CDH23: variants seen among roughly 807,000 people sequenced by gnomAD.
The protein encoded by CDH23 is cadherin-23.
In CDH23, 189 loss-of-function variants were observed where a neutral mutation model predicts 317.1. That is an observed-to-expected ratio of 0.60 (90% confidence interval 0.53 to 0.67). CDH23 has a LOEUF of 0.67. Among genes scored for constraint, CDH23 ranks in the 30% least tolerant of loss-of-function variants. The pLI, the probability that CDH23 is intolerant of heterozygous loss-of-function variation, is 0.00. For synonymous variants in CDH23, 1,839 were observed against 1,876.8 expected (o/e 0.98, Z 0.52); for missense variants, 4,401 against 4,592.4 (o/e 0.96, Z 1.20).
intron 14 of CDH23, among the ~76,000 whole-genome samples, chr10:71,667,359 A>T (rs10823816): frequency 1.1e-3 from 127 of 112,100 alleles, no homozygotes; most frequent in South Asian, 1.7e-3. Flanking sequence ...AGAGAGAGAG[A>T]GTGTGTGTGT....
chr10:71,703,285 C>T (rs1395277948), intron 24 of CDH23, among the ~76,000 whole-genome samples: 2 of 152,146 alleles, frequency 1.3e-5, no homozygotes, highest in Non-Finnish European at 2.9e-5. Context: ...ACACCTCTGC[C>T]CTCCGGGGGC....
At chr10:71,799,878 GACA>G (rs1183306974) in intron 52 of CDH23, among the ~76,000 whole-genome samples, 1 of 152,202 alleles carries the variant, frequency 6.6e-6, no homozygotes, top group Admixed American at 6.5e-5. Flanking sequence ...CCCTTTGTGG[GACA>G]ACATCTGAGA....
intron 6 of CDH23, among the ~76,000 whole-genome samples, chr10:71,542,377 A>T (rs1299396398): frequency 6.6e-6 from 1 of 152,132 alleles, no homozygotes; most frequent in Non-Finnish European, 1.5e-5. Flanking sequence ...AGGATCGTCC[A>T]GCTGGGAGAA....
intron 1 of CDH23, among the ~76,000 whole-genome samples, chr10:71,423,045 C>T (rs1242143574): frequency 6.6e-6 from 1 of 152,172 alleles, no homozygotes; most frequent in Non-Finnish European, 1.5e-5. Flanking sequence ...TTTTATATTT[C>T]AGCCACTACT....
At chr10:71,510,658 T>C (rs1368490848) in intron 4 of CDH23, among the ~76,000 whole-genome samples, 5 of 152,078 alleles carry the variant, frequency 3.3e-5, no homozygotes, top group Non-Finnish European at 4.4e-5. Context: ...GAAGGAACCA[T>C]AGAGGTGTGT....
intron 3 of CDH23, among the ~76,000 whole-genome samples, chr10:71,457,588 G>C (rs1284187930): frequency 6.6e-6 from 1 of 152,190 alleles, no homozygotes; most frequent in African/African-American, 2.4e-5. Context: ...TGAAGGAGCA[G>C]CTGCTCCTAA....
Position 71,705,117 on chromosome 10 carries a change from G to T in CDH23, c.2940G>T (p.Thr980=). The change falls in exon 25 of 70, where the codon ACG becomes ACT. Residue 980 remains threonine, a synonymous_variant. Coordinates refer to ENST00000224721, the MANE Select transcript of CDH23 (RefSeq NM_022124.6). ...CGCCCACCAAGAGCTCCACCAGCACGCTCACCATCCATGGTGAGGGGGCGC... is the reference window on the plus strand; with the variant it reads ...CGCCCACCAAGAGCTCCACCAGCACTCTCACCATCCATGGTGAGGGGGCGC... ...AGTPTKSSTS[T]LTIHVLDVND... is the part of the protein sequence containing the mutation. 6.2e-7 allele frequency: 1 copy of T among 1,610,166 alleles called. No homozygotes were observed. Among genetic ancestry groups the T allele is most frequent in the South Asian group, 1.1e-5 (1 of 90,982 alleles).
At chr10:71,524,124 G>A (rs941862644) in intron 6 of CDH23, among the ~76,000 whole-genome samples, 1 of 152,224 alleles carries the variant, frequency 6.6e-6, no homozygotes, top group African/African-American at 2.4e-5. Context: ...TGACCTTGAG[G>A]TGTAATTACT....
At chr10:71,776,834 C>G (rs747067961) in intron 38 of CDH23, among the ~76,000 whole-genome samples, 2 of 152,230 alleles carry the variant, frequency 1.3e-5, no homozygotes, top group Non-Finnish European at 2.9e-5. Context: ...GCCAGGGCCT[C>G]CCATTGGCCA....
In CDH23 at chr10:71,677,632, A is replaced by G; in HGVS notation, c.1691A>G (p.Asp564Gly). The change falls in exon 16 of 70, where the codon GAT becomes GGT. Residue 564 changes from aspartate (D) to glycine (G), a missense_variant. Coordinates refer to ENST00000224721, the MANE Select transcript of CDH23 (RefSeq NM_022124.6). ...VNDNVPTFQK[D>G]AYVGALRENE... ...GACAACGTGCCCACCTTCCAGAAGG[A>G]TGCCTACGTGGGTGCTCTGCGGGAG... The G allele has an allele frequency of 6.3e-7, 1 of 1,595,466 alleles. No individual in the cohort carries two copies. Among genetic ancestry groups the G allele is most frequent in the Non-Finnish European group, 8.5e-7 (1 of 1,171,340 alleles).
chr10:71,421,491 C>T (rs902675048), intron 1 of CDH23, among the ~76,000 whole-genome samples: 3 of 152,156 alleles, frequency 2.0e-5, no homozygotes, highest in African/African-American at 7.2e-5. Flanking sequence ...CGGAGAGCGT[C>T]GTAATTCTAT....
intron 14 of CDH23, 59 bp downstream of exon 14, chr10:71,646,676 A>G: frequency 6.2e-7 from 1 of 1,613,908 alleles, no homozygotes; most frequent in Non-Finnish European, 8.5e-7. Flanking sequence ...GTGGTGAGGC[A>G]CCCAGAGGGA....
chr10:71,597,922 G>T (rs4747170), intron 9 of CDH23, among the ~76,000 whole-genome samples: 3 of 151,980 alleles, frequency 2.0e-5, no homozygotes, highest in Non-Finnish European at 4.4e-5. Flanking sequence ...CCTCAAAGGC[G>T]GGGTAGGCCC....
chr10:71,427,219 AAGAAAGAAAGAAAGAAAGAAAGAAAG>A (rs1849130331), intron 1 of CDH23, among the ~76,000 whole-genome samples: 1 of 73,616 alleles, frequency 1.4e-5, no homozygotes, highest in Non-Finnish European at 2.9e-5. Flanking sequence ...GAAAGAAAGA[AAGAAAGAAAGAAAGAAAGAAAGAAAG>A]GGAAAGAAAG....
chr10:71,412,544 C>T (rs1448639154), intron 1 of CDH23, among the ~76,000 whole-genome samples: 1 of 152,114 alleles, frequency 6.6e-6, no homozygotes, highest in Non-Finnish European at 1.5e-5. Context: ...CTACACTAAA[C>T]TGTAGTGCAC....
At chr10:71,792,158 G>A (rs1206663952) in intron 47 of CDH23, among the ~76,000 whole-genome samples, 1 of 152,156 alleles carries the variant, frequency 6.6e-6, no homozygotes, top group Non-Finnish European at 1.5e-5. Flanking sequence ...AATATGATGT[G>A]ATAAAGGAAG....
chr10:71,771,569 T>C (rs1840686129), intron 38 of CDH23, among the ~76,000 whole-genome samples: 1 of 152,190 alleles, frequency 6.6e-6, no homozygotes, highest in Non-Finnish European at 1.5e-5. Context: ...GAATATCTAT[T>C]ATAGTGTGTC....
At position 71,694,140 on chromosome 10, in the gene CDH23, C is replaced by T; in HGVS notation, c.2177-7C>T. ...CCCTCTCACGCACCCACTTCTCTCTCTGGCAGGGGAAATCACCACCACGTC... is the reference window on the plus strand; with the variant it reads ...CCCTCTCACGCACCCACTTCTCTCTTTGGCAGGGGAAATCACCACCACGTC... On this transcript the variant is annotated splice_polypyrimidine_tract_variant and splice_region_variant and intron_variant, in intron 20 of 69. Coordinates refer to ENST00000224721, the MANE Select transcript of CDH23 (RefSeq NM_022124.6). 1 of 1,612,594 alleles carries T rather than the reference C, an allele frequency of 6.2e-7. No individual in the cohort carries two copies. The highest frequency in any genetic ancestry group is 8.5e-7 in the Non-Finnish European group (1 of 1,178,754).
chr10:71,651,339 G>T, intron 14 of CDH23, among the ~76,000 whole-genome samples: 1 of 150,232 alleles, frequency 6.7e-6, no homozygotes, highest in South Asian at 2.1e-4. Context: ...AGATCAGCCT[G>T]GGCAACATGG....
Sources: gnomAD v4.1 joint callset for allele counts (sites outside exome capture counted in the v4.1 genomes callset) on GRCh38, gnomAD v4.1.1 for gene constraint, MANE v1.5 for transcripts, NCBI Gene and HGNC (gene_info 2026-07-23, HGNC 2026-07-21) for gene names.